The following GPR153 variants were observed in gnomAD, a reference collection of about 807,000 sequenced individuals.
GPR153 encodes the protein probable G protein-coupled receptor 153.
GPR153 carries 27 observed loss-of-function variants against 34.1 expected under a neutral mutation model. The ratio of observed to expected loss-of-function variants is 0.79; its 90% CI spans 0.58 to 1.09. The LOEUF (loss-of-function observed/expected upper bound fraction) is 1.09, where lower values mean the gene tolerates loss of function less well. GPR153 is among the 50% of genes least tolerant of loss of function. GPR153 has a pLI of 0.00. For missense variants in GPR153, 848 were observed against 860.2 expected, an observed-to-expected ratio of 0.99 and a Z score of 0.18; for synonymous variants, 408 against 405.4, an observed-to-expected ratio of 1.01 and a Z score of -0.08.
chr1:6,253,676 C>G (rs1334794947), intron 3 of GPR153, 42 bp downstream of exon 3: 1 of 1,498,988 alleles, frequency 6.7e-7, no homozygotes, highest in African/African-American at 1.4e-5. Context: ...AGCCCCAGGG[C>G]TGTCCCAGAG....
In GPR153 at chr1:6,249,276, G is replaced by C; in HGVS notation, c.*62C>G. 8.6e-7 allele frequency: 1 copy of C among 1,167,900 alleles called. No homozygotes were observed. Among genetic ancestry groups the C allele is most frequent in the South Asian group, 3.7e-5 (1 of 26,722 alleles). The allele number at this position is 1,167,900 out of a possible 1,614,324, so 72.3% of individuals were successfully genotyped here. A position where few individuals can be genotyped will look rare whatever the true frequency, so the allele number is the denominator to read the frequency against. ...GCGCGGGGCGGAGGCGGGCGTCTTT[G>C]GTGCTGCGGCCCCGGAGAGCGGCCT... is the stretch of plus-strand genomic sequence containing the variant. On this transcript the variant is annotated 3_prime_UTR_variant, in exon 6 of 6. Coordinates refer to ENST00000377893, the MANE Select transcript of GPR153 (RefSeq NM_207370.4). This position sits in a 1 kb window ranked among gnomAD's most constrained non-coding sequence, Gnocchi z 4.3.
chr1:6,259,934 G>A (rs1291872757), intron 1 of GPR153, among the ~76,000 whole-genome samples: 1 of 151,488 alleles, frequency 6.6e-6, no homozygotes, highest in Non-Finnish European at 1.5e-5. Flanking sequence ...TTAAAGCCCT[G>A]TCTTCTGCTG....
Position 6,251,964 on chromosome 1 carries a change from A to G in GPR153, c.787-434T>C, listed in dbSNP as rs1435331296. On this transcript the variant is annotated intron_variant, in intron 3 of 5. Coordinates refer to ENST00000377893, the MANE Select transcript of GPR153 (RefSeq NM_207370.4). This position sits in a 1 kb window ranked among gnomAD's most constrained non-coding sequence, Gnocchi z 4.9. ...GTATGAATCACTGTGCCCGGCTGCC[A>G]TCCCCTTTTTGAGATGAGGAAACTG... 2.6e-5 allele frequency among the ~76,000 whole-genome samples: 4 copies of G among 152,144 alleles called. No homozygotes were observed. Among genetic ancestry groups the G allele is most frequent in the Non-Finnish European group, 2.9e-5 (2 of 68,030 alleles).
At chr1:6,258,149 CTTTT>C (rs112182448) in intron 1 of GPR153, among the ~76,000 whole-genome samples, 1 of 151,516 alleles carries the variant, frequency 6.6e-6, no homozygotes, top group Non-Finnish European at 1.5e-5. Context: ...AGAGTTCTTT[CTTTT>C]TTTTTGAGAT....
At chr1:6,252,612 C>T (rs372697598) in intron 3 of GPR153, among the ~76,000 whole-genome samples, 1 of 152,182 alleles carries the variant, frequency 6.6e-6, no homozygotes, top group East Asian at 1.9e-4. Flanking sequence ...GAAGCTGCCA[C>T]CCCCCGAGTC....
rs1298671664 is a variant in GPR153, at chr1:6,249,581, G to A, written c.1587C>T (p.Pro529=). 1.7e-6 allele frequency: 2 copies of A among 1,169,518 alleles called. No individual in the cohort carries two copies. The highest frequency in any genetic ancestry group is 4.6e-5 in the Admixed American group (1 of 21,534). 72.4% of individuals were successfully genotyped at this position (1,169,518 alleles called of 1,614,324 possible). A position where few individuals can be genotyped will look rare whatever the true frequency, so the allele number is the denominator to read the frequency against. ...PGPFPAAPAA[P]DGADPGEAPT... ...GGGCCTCTCCGGGATCTGCGCCGTC[G>A]GGGGCGGCGGGCGCAGCGGGGAAGG... is the stretch of plus-strand genomic sequence containing the variant. Residue 529 remains proline (P), a synonymous_variant, in exon 6 of 6, where the codon CCC becomes CCT. Coordinates refer to ENST00000377893, the MANE Select transcript of GPR153 (RefSeq NM_207370.4). This position sits in a 1 kb window ranked among gnomAD's most constrained non-coding sequence, Gnocchi z 4.3.
At chr1:6,256,892 A>C (rs1256709429) in intron 1 of GPR153, among the ~76,000 whole-genome samples, 1 of 152,182 alleles carries the variant, frequency 6.6e-6, no homozygotes, top group Non-Finnish European at 1.5e-5. Flanking sequence ...GCCCTGGCGC[A>C]CCATGACCTA....
rs1343074812 is a variant in GPR153, at chr1:6,254,094, A to T, written c.410T>A (p.Val137Glu). 10 of 1,613,580 alleles carry T rather than the reference A, an allele frequency of 6.2e-6. No individual in the cohort carries two copies. Among genetic ancestry groups the T allele is most frequent in the Non-Finnish European group, 7.6e-6 (9 of 1,179,980 alleles). Residue 137 changes from valine (V) to glutamate (E), a missense_variant, in exon 3 of 6, where the codon GTG (valine) becomes GAG (glutamate). Physicochemically the swap from Val to Glu is moderately radical, Grantham distance 121 (BLOSUM62 -2). Transcript: ENST00000377893. ...AGGCAGGGCCGACAGGATGAAGGAC[A>T]CCATCCAGATACCCATGACTGTGTG... is the stretch of plus-strand genomic sequence containing the variant. ...AVHTVMGIWM[V>E]SFILSALPAV...
chr1:6,260,203 C>G (rs1458839830), intron 1 of GPR153, among the ~76,000 whole-genome samples: 1 of 152,164 alleles, frequency 6.6e-6, no homozygotes, highest in African/African-American at 2.4e-5. Context: ...CGGGCTCTGG[C>G]TGCGCCCCGG....
In GPR153 at chr1:6,249,281, T is replaced by C. The variant is rs897735272; in HGVS notation, c.*57A>G. 8.4e-7 allele frequency: 1 copy of C among 1,191,308 alleles called. No homozygotes were observed. The highest frequency in any genetic ancestry group is 1.6e-5 in the African/African-American group (1 of 63,122). The allele number at this position is 1,191,308 out of a possible 1,614,324, so 73.8% of individuals were successfully genotyped here. A position where few individuals can be genotyped will look rare whatever the true frequency, so the allele number is the denominator to read the frequency against. On this transcript the variant is annotated 3_prime_UTR_variant, in exon 6 of 6. Transcript: ENST00000377893. The surrounding 1 kb of genome is among the most constrained non-coding windows in gnomAD (Gnocchi z 4.3). The stretch of plus-strand genomic sequence containing the variant: ...GGGCGGAGGCGGGCGTCTTTGGTGC[T>C]GCGGCCCCGGAGAGCGGCCTGGCCT...
chr1:6,257,404 C>T (rs1638589739), intron 1 of GPR153, among the ~76,000 whole-genome samples: 1 of 152,214 alleles, frequency 6.6e-6, no homozygotes, highest in Non-Finnish European at 1.5e-5. Context: ...GCTATGTCAG[C>T]CCCCAGCTGG....
chr1:6,260,008 C>G (rs1638635998), intron 1 of GPR153, among the ~76,000 whole-genome samples: 1 of 152,168 alleles, frequency 6.6e-6, no homozygotes, highest in Non-Finnish European at 1.5e-5. Flanking sequence ...CTTCCCACTT[C>G]CCCGCCCACT....
chr1:6,256,339 A>G (rs1402118011), intron 1 of GPR153, among the ~76,000 whole-genome samples: 1 of 151,190 alleles, frequency 6.6e-6, no homozygotes, highest in Non-Finnish European at 1.5e-5. Context: ...GAAAAAAAAA[A>G]TTTATATATG....
At position 6,249,825 on chromosome 1, in the gene GPR153, G is replaced by A; in HGVS notation, c.1343C>T (p.Pro448Leu). Residue 448 changes from proline to leucine, a missense_variant, in exon 6 of 6, where the codon CCA becomes CTA. Pro to Leu is a moderately conservative substitution (Grantham distance 98). Coordinates refer to ENST00000377893, the MANE Select transcript of GPR153 (RefSeq NM_207370.4). The surrounding 1 kb of genome is among the most constrained non-coding windows in gnomAD (Gnocchi z 4.3). ...CGAGCGGCGGCGCGCGCGGGACGGT[G>A]GTGCGTCCTCCGCGAAGGCCAGGAG... ...ASLLAFAEDA[P>L]PSRARRRSAE... 1 of 1,225,820 alleles carries A rather than the reference G, an allele frequency of 8.2e-7. No homozygotes were observed. Among genetic ancestry groups the A allele is most frequent in the African/African-American group, 1.6e-5 (1 of 63,208 alleles). 75.9% of individuals were successfully genotyped at this position (1,225,820 alleles called of 1,614,324 possible).
At chr1:6,257,019 C>T (rs1283073739) in intron 1 of GPR153, among the ~76,000 whole-genome samples, 1 of 152,210 alleles carries the variant, frequency 6.6e-6, no homozygotes, top group African/African-American at 2.4e-5. Context: ...TGCGTATTCC[C>T]TCACTTCCGT....
Position 6,251,519 on chromosome 1 carries a change from G to A in GPR153, c.798C>T (p.Phe266=), listed in dbSNP as rs1638448944. 1 of 1,599,602 alleles carries A rather than the reference G, an allele frequency of 6.3e-7. No homozygotes were observed. Among genetic ancestry groups the A allele is most frequent in the Admixed American group, 1.7e-5 (1 of 59,048 alleles). Reference sequence around the variant, plus strand: ...CTGAGGCGTCGGCCCGCAGGCTGCTGAAGCTCACCACCTGTGGGCACAGGG... The same window carrying A: ...CTGAGGCGTCGGCCCGCAGGCTGCTAAAGCTCACCACCTGTGGGCACAGGG... ...LMGFPVLVVS[F]SSLRADASAP... is the part of the protein sequence containing the mutation. Residue 266 remains phenylalanine (F), a synonymous_variant, in exon 4 of 6, where the codon TTC becomes TTT. Transcript: ENST00000377893. The surrounding 1 kb of genome is among the most constrained non-coding windows in gnomAD (Gnocchi z 4.9).
At position 6,254,794 on chromosome 1, in the gene GPR153, T is replaced by A; in HGVS notation, c.112A>T (p.Lys38Ter). Residue 38 changes from lysine to a stop codon, truncating the protein, a stop_gained, in exon 2 of 6, where the codon AAG (lysine) becomes TAG (stop). Transcript: ENST00000377893. LOFTEE classifies it high-confidence loss of function. ...GILSVGAKQK[K>*]WKPLEFLLCT... ...AGCAGGAACTCCAAGGGCTTCCACT[T>A]CTTCTGCTTGGCGCCAACGCTGAGG... 1.2e-6 allele frequency: 2 copies of A among 1,613,382 alleles called. No individual in the cohort carries two copies. Among genetic ancestry groups the A allele is most frequent in the East Asian group, 2.2e-5 (1 of 44,852 alleles).
Position 6,249,587 on chromosome 1 carries a change from G to GAT in GPR153, c.1580_1581insAT (p.Ala528SerfsTer39). 8.6e-7 allele frequency: 1 copy of GAT among 1,165,386 alleles called. No individual in the cohort carries two copies. 72.2% of individuals were successfully genotyped at this position (1,165,386 alleles called of 1,614,324 possible). On this transcript the variant is annotated frameshift_variant, in exon 6 of 6. Transcript: ENST00000377893. LOFTEE classifies it low-confidence loss of function (END_TRUNC). This position sits in a 1 kb window ranked among gnomAD's most constrained non-coding sequence, Gnocchi z 4.3. ...CTCCGGGATCTGCGCCGTCGGGGGC[G>GAT]GCGGGCGCAGCGGGGAAGGGCCCGG...
At position 6,261,037 on chromosome 1, in the gene GPR153, G is replaced by A. The variant is rs988636144; in HGVS notation, c.-322C>T. On this transcript the variant is annotated 5_prime_UTR_variant, in exon 1 of 6. Coordinates refer to ENST00000377893, the MANE Select transcript of GPR153 (RefSeq NM_207370.4). ...GCCCCGCCGCCCCTCCCTCCCCTAG[G>A]CGCCGCCGCCGCCGCCGCGCTTCGC... The A allele has an allele frequency of 1.4e-5, 2 of 147,102 alleles. No homozygotes were observed. The highest frequency in any genetic ancestry group is 4.9e-5 in the African/African-American group (2 of 40,834). 9.1% of individuals were successfully genotyped at this position (147,102 alleles called of 1,614,324 possible).
Sources: allele counts gnomAD v4.1 joint callset (sites outside exome capture counted in the v4.1 genomes callset), GRCh38; gene constraint gnomAD v4.1.1; non-coding constraint Gnocchi (gnomAD v3.1); transcripts MANE v1.5; gene names NCBI Gene and HGNC (gene_info 2026-07-23, HGNC 2026-07-21).